SAMSN1: variants seen among roughly 807,000 people sequenced by gnomAD.
The protein encoded by SAMSN1 is SAM domain-containing protein SAMSN-1.
Under a neutral mutation model 42.0 loss-of-function variants are expected in SAMSN1, and 31 were observed. The ratio of observed to expected loss-of-function variants is 0.74; its 90% CI spans 0.55 to 1.00. SAMSN1 has a LOEUF of 1.00. SAMSN1 is among the 50% of genes least tolerant of loss of function. The pLI, the probability that SAMSN1 is intolerant of heterozygous loss-of-function variation, is 0.00. For missense variants in SAMSN1, 464 were observed against 439.4 expected, an observed-to-expected ratio of 1.06 and a Z score of -0.50; for synonymous variants, 178 against 151.9, an observed-to-expected ratio of 1.17 and a Z score of -1.26.
intron 1 of SAMSN1, among the ~76,000 whole-genome samples, chr21:14,535,160 C>A (rs551362475): frequency 6.6e-6 from 1 of 151,972 alleles, no homozygotes; most frequent in Non-Finnish European, 1.5e-5. Flanking sequence ...TATAAAACAC[C>A]CCAGATGATT....
exon 2 of SAMSN1, chr21:14,582,285 G>A (rs942256182): frequency 1.8e-5 from 28 of 1,550,642 alleles, no homozygotes; most frequent in Non-Finnish European, 2.4e-5. Context: ...TTCCAGTGAT[G>A]CCACATGTAA....
intron 2 of SAMSN1, among the ~76,000 whole-genome samples, chr21:14,565,786 C>T (rs1034213704): frequency 6.6e-6 from 1 of 152,130 alleles, no homozygotes; most frequent in African/African-American, 2.4e-5. Flanking sequence ...ACATAAACTT[C>T]TCAACATCAC....
intron 5 of SAMSN1, among the ~76,000 whole-genome samples, chr21:14,605,288 A>G (rs114079027): frequency 4.1e-4 from 62 of 152,346 alleles, no homozygotes; most frequent in African/African-American, 1.3e-3. Flanking sequence ...TCATCGTTGA[A>G]TTCAGAAAGC....
intron 7 of SAMSN1, among the ~76,000 whole-genome samples, chr21:14,491,643 C>T (rs1209826906): frequency 2.0e-5 from 3 of 152,178 alleles, no homozygotes; most frequent in Non-Finnish European, 4.4e-5. Flanking sequence ...TATTCTTTGT[C>T]TAATTCAGTA....
intron 7 of SAMSN1, among the ~76,000 whole-genome samples, chr21:14,495,190 A>G (rs1293897523): frequency 6.6e-6 from 1 of 152,246 alleles, no homozygotes. Flanking sequence ...TCAGTTTTAT[A>G]TAACCATATA....
At chr21:14,497,583 C>T (rs1986964789) in intron 7 of SAMSN1, among the ~76,000 whole-genome samples, 2 of 152,178 alleles carry the variant, frequency 1.3e-5, no homozygotes, top group East Asian at 1.9e-4. Context: ...CAGATTTAGA[C>T]ACCATCTCAA....
upstream of SAMSN1, among the ~76,000 whole-genome samples, chr21:14,547,407 TA>T (rs1298456264): frequency 6.6e-6 from 1 of 152,178 alleles, no homozygotes; most frequent in African/African-American, 2.4e-5. Context: ...CCCCATGGTT[TA>T]AAAATGTTTA....
chr21:14,633,928 T>G (rs1212560380), intron 2 of SAMSN1, among the ~76,000 whole-genome samples: 1 of 152,198 alleles, frequency 6.6e-6, no homozygotes, highest in Non-Finnish European at 1.5e-5. Context: ...TCTGCTATAT[T>G]ACTTTCTCAT....
At chr21:14,618,953 T>TA (rs569441225) in intron 2 of SAMSN1, among the ~76,000 whole-genome samples, 1 of 151,870 alleles carries the variant, frequency 6.6e-6, no homozygotes, top group Non-Finnish European at 1.5e-5. Flanking sequence ...TGTTAGAAAA[T>TA]AAAAAATGAA....
chr21:14,564,788 C>T (rs932201550), intron 2 of SAMSN1, among the ~76,000 whole-genome samples: 5 of 152,146 alleles, frequency 3.3e-5, no homozygotes, highest in African/African-American at 1.2e-4. Flanking sequence ...GTCACCTTCT[C>T]CTAAGACCCA....
chr21:14,653,313 A>C (rs1983864371), intron 1 of SAMSN1, among the ~76,000 whole-genome samples: 1 of 152,060 alleles, frequency 6.6e-6, no homozygotes, highest in Non-Finnish European at 1.5e-5. Flanking sequence ...TGGTTCAATC[A>C]TCAAAAAAGA....
chr21:14,569,991 C>A (rs572508843), intron 2 of SAMSN1, among the ~76,000 whole-genome samples: 75 of 151,996 alleles, frequency 4.9e-4, no homozygotes, highest in African/African-American at 1.0e-3. Context: ...CTTTCCCCCC[C>A]CCCAGTTTTT....
chr21:14,582,143 T>C (rs1981752641), exon 2 of SAMSN1: 1 of 1,544,598 alleles, frequency 6.5e-7, no homozygotes, highest in South Asian at 1.2e-5. Context: ...TACCCATGAA[T>C]GTAGGAGATC....
intron 2 of SAMSN1, among the ~76,000 whole-genome samples, chr21:14,618,707 C>CGTGT (rs1387562090): frequency 1.4e-5 from 2 of 146,314 alleles, no homozygotes; most frequent in African/African-American, 5.0e-5. Flanking sequence ...CGCGCGCACG[C>CGTGT]GCGTGTGTGT....
chr21:14,659,299 A>G (rs1983963094), upstream of SAMSN1, among the ~76,000 whole-genome samples: 1 of 152,012 alleles, frequency 6.6e-6, no homozygotes, highest in Admixed American at 6.6e-5. Flanking sequence ...ATAAATCTAA[A>G]ATGTACCACT....
intron 1 of SAMSN1, among the ~76,000 whole-genome samples, chr21:14,658,539 ACT>A (rs113792755): frequency 7.4e-4 from 112 of 152,016 alleles, no homozygotes; most frequent in African/African-American, 2.6e-3. Context: ...TTGTTGCAGA[ACT>A]CTTTTTAATA....
chr21:14,542,207 G>C (rs1980091867), intron 1 of SAMSN1, among the ~76,000 whole-genome samples: 1 of 152,096 alleles, frequency 6.6e-6, no homozygotes, highest in Admixed American at 6.5e-5. Flanking sequence ...TGGCAATTCA[G>C]GTGGAAACAG....
intron 2 of SAMSN1, chr21:14,642,965 A>G (rs1165996540): frequency 1.3e-5 from 9 of 713,136 alleles, no homozygotes; most frequent in Non-Finnish European, 1.8e-5. Flanking sequence ...ACTATAATAG[A>G]GAAAAAAAAA....
intron 2 of SAMSN1, among the ~76,000 whole-genome samples, chr21:14,567,084 G>T (rs7281654): frequency 0.013 from 1,912 of 152,180 alleles, 27 homozygotes; most frequent in African/African-American, 0.042. Flanking sequence ...GCTATGCCAG[G>T]TGCCTTCGGT....
Sources: allele counts gnomAD v4.1 joint callset (sites outside exome capture counted in the v4.1 genomes callset), GRCh38; gene constraint gnomAD v4.1.1; transcripts MANE v1.5; gene names NCBI Gene and HGNC (gene_info 2026-07-23, HGNC 2026-07-21).